Variants in ASIC2 observed in about 807,000 individuals in gnomAD.
ASIC2 encodes the protein acid sensing ion channel subunit 2.
In ASIC2, 25 loss-of-function variants were observed where a neutral mutation model predicts 57.3. The ratio of observed to expected loss-of-function variants is 0.44; its 90% CI spans 0.32 to 0.61. The LOEUF is 0.61. Ranked by LOEUF, ASIC2 falls within the 20% of genes least tolerant of loss-of-function variation. ASIC2 has a pLI of 0.06. For missense variants in ASIC2, 641 were observed against 738.1 expected (o/e 0.87, Z 1.52); for synonymous variants, 319 against 307.5 (o/e 1.04, Z -0.39).
At chr17:33,386,107 C>G (rs1909666995) in intron 1 of ASIC2, among the ~76,000 whole-genome samples, 1 of 152,216 alleles carries the variant, frequency 6.6e-6, no homozygotes, top group Admixed American at 6.5e-5. Flanking sequence ...TCCAGACTGG[C>G]ACAAGGAGAT....
At chr17:33,913,639 A>G (rs560625231) in intron 1 of ASIC2, among the ~76,000 whole-genome samples, 1 of 152,322 alleles carries the variant, frequency 6.6e-6, no homozygotes, top group Admixed American at 6.5e-5. Flanking sequence ...ATTATTCGAT[A>G]TAATTCACAA....
chr17:34,021,483 C>A (rs1471621318), intron 1 of ASIC2, among the ~76,000 whole-genome samples: 1 of 152,176 alleles, frequency 6.6e-6, no homozygotes, highest in South Asian at 2.1e-4. Flanking sequence ...TAGGGCAGGG[C>A]TCTGGAATCT....
chr17:33,725,722 C>CA (rs1491373398), intron 1 of ASIC2, among the ~76,000 whole-genome samples: 1 of 8,890 alleles, frequency 1.1e-4, no homozygotes, highest in East Asian at 1.5e-3. Context: ...TATTAAGAAA[C>CA]CCCCCCCCCC....
chr17:33,215,332 A>G (rs1264896913), intron 1 of ASIC2, among the ~76,000 whole-genome samples: 4 of 152,228 alleles, frequency 2.6e-5, no homozygotes, highest in African/African-American at 7.2e-5. Context: ...TTGGGAATCT[A>G]TCCTAAAGAG....
chr17:33,626,404 C>G (rs1179264479), intron 1 of ASIC2, among the ~76,000 whole-genome samples: 1 of 152,082 alleles, frequency 6.6e-6, no homozygotes, highest in Non-Finnish European at 1.5e-5. Flanking sequence ...GATTCACTAG[C>G]TTTTTTAAAC....
At chr17:33,579,506 A>G (rs1385355714) in intron 1 of ASIC2, among the ~76,000 whole-genome samples, 2 of 152,078 alleles carry the variant, frequency 1.3e-5, no homozygotes, top group Non-Finnish European at 2.9e-5. Context: ...TGTGCCCAGA[A>G]TTGTCTCCTC....
At chr17:33,085,084 T>C (rs972019829) in intron 3 of ASIC2, among the ~76,000 whole-genome samples, 1 of 152,214 alleles carries the variant, frequency 6.6e-6, no homozygotes. Flanking sequence ...AGTCACTAGT[T>C]CCTCTTAGGG....
At chr17:33,966,316 A>G (rs2141995199) in intron 1 of ASIC2, among the ~76,000 whole-genome samples, 1 of 152,252 alleles carries the variant, frequency 6.6e-6, no homozygotes, top group East Asian at 1.9e-4. Flanking sequence ...GAATTCCACC[A>G]TGTCATTCTG....
intron 1 of ASIC2, chr17:34,039,979 G>A: frequency 2.1e-6 from 2 of 937,750 alleles, no homozygotes; most frequent in South Asian, 1.5e-5. Context: ...GCCCGGGGCG[G>A]AGCCGGGGCC....
At chr17:33,333,911 G>A (rs1907413566) in intron 1 of ASIC2, among the ~76,000 whole-genome samples, 1 of 152,166 alleles carries the variant, frequency 6.6e-6, no homozygotes, top group Non-Finnish European at 1.5e-5. Context: ...CCTGGACTGG[G>A]GCTGCTCCTT....
At chr17:33,823,650 A>T (rs189453129) in intron 1 of ASIC2, among the ~76,000 whole-genome samples, 190 of 152,218 alleles carry the variant, frequency 1.2e-3, no homozygotes, top group African/African-American at 4.3e-3. Flanking sequence ...CATTCGCCAA[A>T]CCTTTGGTCT....
intron 1 of ASIC2, among the ~76,000 whole-genome samples, chr17:33,526,581 A>T (rs1176660172): frequency 6.6e-6 from 1 of 152,162 alleles, no homozygotes; most frequent in Non-Finnish European, 1.5e-5. Flanking sequence ...CCCAACACAG[A>T]GTAGGCACTC....
At position 34,111,497 on chromosome 17, in the gene ASIC2, C is replaced by T. The variant is rs986406788; in HGVS notation, c.555+44481G>A. On this transcript the variant is annotated intron_variant, in intron 1 of 9. Coordinates refer to the ASIC2 transcript ENST00000359872. ...TATATGCACTCTGACATTCTACTTA[C>T]GGAGTTTTCCCATTAGGATAGTGTA... 7.9e-5 allele frequency among the ~76,000 whole-genome samples: 12 copies of T among 152,088 alleles called. 1 individual carries two copies. Among genetic ancestry groups the T allele is most frequent in the African/African-American group, 2.4e-4 (10 of 41,500 alleles).
intron 1 of ASIC2, among the ~76,000 whole-genome samples, chr17:34,015,048 C>T (rs2142024351): frequency 6.7e-6 from 1 of 149,786 alleles, no homozygotes; most frequent in African/African-American, 2.4e-5. Context: ...CCACACTTCG[C>T]TAATTTTTCT....
chr17:33,118,497 G>A (rs1458768470), intron 1 of ASIC2, among the ~76,000 whole-genome samples: 2 of 152,042 alleles, frequency 1.3e-5, no homozygotes, highest in South Asian at 2.1e-4. Context: ...TCATAGCCAC[G>A]GCTCATATCC....
At chr17:33,264,229 C>A (rs1262168087) in intron 1 of ASIC2, among the ~76,000 whole-genome samples, 6 of 152,162 alleles carry the variant, frequency 3.9e-5, no homozygotes, top group Non-Finnish European at 5.9e-5. Flanking sequence ...CAGGATGGTG[C>A]CTAGCACATT....
intron 1 of ASIC2, among the ~76,000 whole-genome samples, chr17:33,632,739 C>A (rs1906215091): frequency 6.6e-6 from 1 of 152,150 alleles, no homozygotes; most frequent in African/African-American, 2.4e-5. Flanking sequence ...GCCTGGTCCA[C>A]CCTTTGAAAC....
At chr17:33,972,281 C>A (rs1905246325) in intron 1 of ASIC2, among the ~76,000 whole-genome samples, 1 of 152,090 alleles carries the variant, frequency 6.6e-6, no homozygotes. Context: ...CAGTAGGTGA[C>A]CAATATACAT....
chr17:34,096,629 C>T (rs55690416), intron 1 of ASIC2, among the ~76,000 whole-genome samples: 3,444 of 151,848 alleles, frequency 0.023, 131 homozygotes, highest in African/African-American at 0.08. Flanking sequence ...CCCAGGCAGG[C>T]GGATCACGAG....
Sources: allele counts gnomAD v4.1 joint callset (sites outside exome capture counted in the v4.1 genomes callset), GRCh38; gene constraint gnomAD v4.1.1; transcripts MANE v1.5; gene names NCBI Gene and HGNC (gene_info 2026-07-23, HGNC 2026-07-21).